The following RASA3 variants were observed in gnomAD, a reference collection of about 807,000 sequenced individuals.
RASA3 encodes RAS p21 protein activator 3.
RASA3 carries 73 observed loss-of-function variants against 110.0 expected under a neutral mutation model. The observed-to-expected ratio is 0.66, with a 90% confidence interval of 0.55 to 0.81. The LOEUF is 0.81. Ranked by LOEUF, RASA3 falls within the 30% of genes least tolerant of loss-of-function variation. RASA3 has a pLI of 0.00. For synonymous variants in RASA3, 500 were observed against 451.4 expected, an observed-to-expected ratio of 1.11 and a Z score of -1.37; for missense variants, 976 against 1,113.2, an observed-to-expected ratio of 0.88 and a Z score of 1.75.
intron 12 of RASA3, 35 bp from the exon 13 acceptor site, chr13:114,016,306 G>C: frequency 6.8e-7 from 1 of 1,473,668 alleles, no homozygotes; most frequent in Non-Finnish European, 9.5e-7. Context: ...TCTGTGAGTG[G>C]GTTCTGGGGG....
In RASA3 at chr13:113,978,922, A is replaced by G. The variant is rs2052840269; in HGVS notation, c.*425T>C. Reference sequence around the variant, plus strand: ...AGGCCTCCCGGGCACAGAGCCACAGAGCCCAGCGTCACACGCACCGTGCAC... The same window carrying G: ...AGGCCTCCCGGGCACAGAGCCACAGGGCCCAGCGTCACACGCACCGTGCAC... On this transcript the variant is annotated 3_prime_UTR_variant, in exon 24 of 24. Transcript: ENST00000334062. 1 of 173,568 alleles carries G rather than the reference A, an allele frequency of 5.8e-6. No homozygotes were observed. The highest frequency in any genetic ancestry group is 1.5e-4 in the East Asian group (1 of 6,474). 10.8% of individuals were successfully genotyped at this position (173,568 alleles called of 1,614,324 possible).
rs772927954 is a variant in RASA3, at chr13:114,009,480, G to T, written c.1591-16C>A. ...TAAAACTCGCCTAAAATGAAACGGAGATCACTCGAGGACAGCCCGAAGTAC... is the reference window on the plus strand; with the variant it reads ...TAAAACTCGCCTAAAATGAAACGGATATCACTCGAGGACAGCCCGAAGTAC... On this transcript the variant is annotated splice_polypyrimidine_tract_variant and intron_variant, in intron 16 of 23. Transcript: ENST00000334062. 3 of 1,570,394 alleles carry T rather than the reference G, an allele frequency of 1.9e-6. No homozygotes were observed. In the South Asian group the frequency reaches 3.3e-5, roughly 17 times the overall value.
chr13:113,981,478 T>C (rs2052931883), intron 23 of RASA3, among the ~76,000 whole-genome samples, 197 bp downstream of exon 23: 1 of 152,174 alleles, frequency 6.6e-6, no homozygotes, highest in Non-Finnish European at 1.5e-5. Context: ...GCACCTGCTC[T>C]GAAGGAGGGA....
intron 23 of RASA3, among the ~76,000 whole-genome samples, chr13:113,980,278 C>T (rs1369189152): frequency 2.7e-5 from 4 of 149,296 alleles, no homozygotes; most frequent in African/African-American, 1.0e-4. Context: ...CGCACCTCCT[C>T]CCACGTGTGC....
chr13:114,029,786 G>C, intron 5 of RASA3, 25 bp downstream of exon 5: 5 of 1,577,038 alleles, frequency 3.2e-6, no homozygotes, highest in East Asian at 2.3e-5. Flanking sequence ...CTGTGCGCTC[G>C]GTCTCTAGTG....
At chr13:114,020,974 C>T (rs9525333) in intron 9 of RASA3, among the ~76,000 whole-genome samples, 57,770 of 151,704 alleles carry the variant, frequency 0.38, 11,542 homozygotes, top group African/African-American at 0.51. Context: ...GCTCAGGGCC[C>T]CGCTTTCACC....
At position 114,045,943 on chromosome 13, in the gene RASA3, G is replaced by C. The variant is rs570009136; in HGVS notation, c.278-4849C>G. 8.3e-5 allele frequency among the ~76,000 whole-genome samples: 6 copies of C among 72,050 alleles called. No individual in the cohort carries two copies. The South Asian group carries it at 2.2e-3, about 27-fold the overall frequency. The allele number at this position is 72,050 out of a possible 152,430, so 47.3% of individuals were successfully genotyped here. Reference sequence around the variant, plus strand: ...AGAGAAATTGGAAAGACCCAAGCGTGTAAAGATATACCATGTCCATGGATT... The same window carrying C: ...AGAGAAATTGGAAAGACCCAAGCGTCTAAAGATATACCATGTCCATGGATT... On this transcript the variant is annotated intron_variant, in intron 3 of 23. Coordinates refer to ENST00000334062, the MANE Select transcript of RASA3 (RefSeq NM_007368.4).
intron 22 of RASA3, among the ~76,000 whole-genome samples, chr13:113,983,110 C>A (rs555551465): frequency 1.4e-5 from 2 of 145,702 alleles, no homozygotes; most frequent in African/African-American, 2.5e-5. Context: ...GGGTGCAGAG[C>A]GGAAAAGGCA....
chr13:114,032,211 G>A (rs1249510334), intron 4 of RASA3, among the ~76,000 whole-genome samples: 1 of 152,070 alleles, frequency 6.6e-6, no homozygotes, highest in African/African-American at 2.4e-5. Flanking sequence ...GGGGATCACA[G>A]GCCCGAACCC....
At chr13:114,120,004 G>T (rs1594477550) in intron 1 of RASA3, among the ~76,000 whole-genome samples, 1 of 47,604 alleles carries the variant, frequency 2.1e-5, no homozygotes. Flanking sequence ...GTCGATCAGG[G>T]CCCCCCCTCC....
rs1004166818 is a variant in RASA3 at position 114,009,525 on chromosome 13, C to T, written c.1591-61G>A. 8.9e-6 allele frequency: 10 copies of T among 1,124,038 alleles called. No homozygotes were observed. The South Asian group carries it at 1.2e-4, about 14-fold the overall frequency. The allele number at this position is 1,124,038 out of a possible 1,614,324, so 69.6% of individuals were successfully genotyped here. A position where few individuals can be genotyped will look rare whatever the true frequency, so the allele number is the denominator to read the frequency against. On this transcript the variant is annotated intron_variant, in intron 16 of 23. Transcript: ENST00000334062. ...AAGTACCTCGGCTCACGGCCCAAAT[C>T]TGAAAAAGCTAGAGGCAAGAACTGT...
intron 18 of RASA3, among the ~76,000 whole-genome samples, chr13:114,004,140 G>T (rs559935969): frequency 6.6e-6 from 1 of 152,328 alleles, no homozygotes; most frequent in African/African-American, 2.4e-5. Context: ...TGCCACTGGG[G>T]TATGGTCCAC....
chr13:114,118,559 C>T (rs116274844), intron 1 of RASA3, among the ~76,000 whole-genome samples: 1 of 152,182 alleles, frequency 6.6e-6, no homozygotes, highest in Non-Finnish European at 1.5e-5. Flanking sequence ...TTTTTACAAG[C>T]CTCACAACTT....
Position 114,018,040 on chromosome 13 carries a change from G to A in RASA3, c.1091+64C>T, listed in dbSNP as rs9590509. On this transcript the variant is annotated intron_variant, in intron 11 of 23. Coordinates refer to ENST00000334062, the MANE Select transcript of RASA3 (RefSeq NM_007368.4). The stretch of plus-strand genomic sequence containing the variant: ...TGCCCCAGGACACGTGGTTCTCGGC[G>A]ACGACCTTGCCATCCCTGTAGCGGG... 2.2e-3 allele frequency: 3,131 copies of A among 1,418,354 alleles called. 53 individuals carry two copies. In the African/African-American group the frequency reaches 0.042, roughly 19 times the overall value. The allele number at this position is 1,418,354 out of a possible 1,614,324, so 87.9% of individuals were successfully genotyped here. A position where few individuals can be genotyped will look rare whatever the true frequency, so the allele number is the denominator to read the frequency against.
At chr13:113,981,523 C>G in intron 23 of RASA3, 152 bp downstream of exon 23, 1 of 846,470 alleles carries the variant, frequency 1.2e-6, no homozygotes, top group Non-Finnish European at 1.9e-6. Flanking sequence ...TGACTACCGC[C>G]AGGTGCCAGC....
rs367660655 is a variant in RASA3 at position 114,027,376 on chromosome 13, T to C, written c.603+13A>G. Reference sequence around the variant, plus strand: ...AGAGTTTCCACTTAACGTTGACCCATGAAGATACCAACCTCAAAATAAAAC... The same window carrying C: ...AGAGTTTCCACTTAACGTTGACCCACGAAGATACCAACCTCAAAATAAAAC... On this transcript the variant is annotated intron_variant, in intron 7 of 23. Transcript: ENST00000334062. 5.0e-6 allele frequency: 8 copies of C among 1,596,240 alleles called. No individual in the cohort carries two copies. In the East Asian group the frequency reaches 6.7e-5, roughly 13 times the overall value.
chr13:114,009,341 T>G, intron 17 of RASA3, 46 bp downstream of exon 17: 3 of 1,455,318 alleles, frequency 2.1e-6, no homozygotes, highest in South Asian at 1.2e-5. Context: ...GAACTCCGTC[T>G]CCTGAGCACG....
At chr13:114,121,865 A>C (rs1165081142) in intron 1 of RASA3, among the ~76,000 whole-genome samples, 1 of 152,176 alleles carries the variant, frequency 6.6e-6, no homozygotes, top group African/African-American at 2.4e-5. Context: ...AGCTTCTCGG[A>C]ATCTCTCTCC....
chr13:114,045,721 G>A (rs530452615), intron 3 of RASA3, among the ~76,000 whole-genome samples: 69 of 152,344 alleles, frequency 4.5e-4, no homozygotes, highest in Admixed American at 3.4e-3. Context: ...CGTCGACTGC[G>A]TTTGTACATA....
Sources: allele counts gnomAD v4.1 joint callset (sites outside exome capture counted in the v4.1 genomes callset), GRCh38; gene constraint gnomAD v4.1.1; transcripts MANE v1.5; gene names NCBI Gene and HGNC (gene_info 2026-07-23, HGNC 2026-07-21).